The following INPP4B variants were observed in gnomAD, a reference collection of about 807,000 sequenced individuals.
The protein encoded by INPP4B is inositol polyphosphate-4-phosphatase type II B.
In INPP4B, 55 loss-of-function variants were observed where a neutral mutation model predicts 122.5. The observed-to-expected ratio is 0.45, with a 90% CI of 0.36 to 0.56. The LOEUF is 0.56. Among genes scored for constraint, INPP4B ranks in the 20% least tolerant of loss-of-function variants. The pLI, the probability that INPP4B is intolerant of heterozygous loss-of-function variation, is 0.00. For missense variants in INPP4B, 1,000 were observed against 1,097.7 expected (o/e 0.91, Z 1.26); for synonymous variants, 403 against 388.7 (o/e 1.04, Z -0.43).
chr4:142,537,421 T>TAG (rs1239191698), intron 2 of INPP4B, among the ~76,000 whole-genome samples: 2 of 52,848 alleles, frequency 3.8e-5, no homozygotes, highest in Non-Finnish European at 8.0e-5. Context: ...TATATATATA[T>TAG]ATATATATAG....
At chr4:142,196,140 G>T (rs923310048) in intron 14 of INPP4B, among the ~76,000 whole-genome samples, 4 of 152,176 alleles carry the variant, frequency 2.6e-5, no homozygotes, top group Non-Finnish European at 5.9e-5. Context: ...AAATGAAGGA[G>T]TTTGTGTTTT....
chr4:142,152,084 T>C (rs1226256701), intron 17 of INPP4B, among the ~76,000 whole-genome samples: 1 of 127,680 alleles, frequency 7.8e-6, no homozygotes, highest in Non-Finnish European at 1.6e-5. Flanking sequence ...TTTTTTTTTT[T>C]TTTTTTTTTG....
chr4:142,555,964 T>C (rs1729082279), intron 2 of INPP4B, among the ~76,000 whole-genome samples: 1 of 152,154 alleles, frequency 6.6e-6, no homozygotes, highest in South Asian at 2.1e-4. Flanking sequence ...GATATAGATT[T>C]ATATGTATCT....
intron 1 of INPP4B, among the ~76,000 whole-genome samples, chr4:142,821,073 G>A (rs766472824): frequency 2.0e-4 from 30 of 152,056 alleles, no homozygotes; most frequent in Non-Finnish European, 3.8e-4. Context: ...AGCAAGCTGT[G>A]TGAATTATCT....
At chr4:142,815,580 T>C (rs2151135898) in intron 1 of INPP4B, among the ~76,000 whole-genome samples, 1 of 152,246 alleles carries the variant, frequency 6.6e-6, no homozygotes, top group African/African-American at 2.4e-5. Flanking sequence ...ACGTAAGCTG[T>C]GATGAAAAAA....
In INPP4B at chr4:142,116,677, T is replaced by C. The variant is rs1015755577; in HGVS notation, c.2136-3995A>G. Among the ~76,000 whole-genome samples, 15 of 152,272 alleles carry C rather than the reference T, an allele frequency of 9.9e-5. No individual in the cohort carries two copies. The South Asian group carries it at 1.0e-3, about 11-fold the overall frequency. ...ATTTAAAGCAGTGTGTAGAGGGAAA[T>C]GTATAGCAACAAATGCCCAAAAGAG... On this transcript the variant is annotated intron_variant, in intron 21 of 25. Coordinates refer to ENST00000262992, the MANE Select transcript of INPP4B (RefSeq NM_001101669.3).
chr4:142,080,379 A>G (rs1461385954), intron 25 of INPP4B, among the ~76,000 whole-genome samples: 1 of 152,158 alleles, frequency 6.6e-6, no homozygotes, highest in Non-Finnish European at 1.5e-5. Flanking sequence ...ATACACACAA[A>G]TACAGGCCAA....
chr4:142,215,434 T>C (rs546707699), intron 12 of INPP4B, among the ~76,000 whole-genome samples: 1 of 152,206 alleles, frequency 6.6e-6, no homozygotes, highest in Admixed American at 6.5e-5. Context: ...CTTTAAAAAC[T>C]AAACCTGAAC....
rs112157073 is a variant in INPP4B, at chr4:142,327,221, G to A, written c.373-12459C>T. On this transcript the variant is annotated intron_variant, in intron 7 of 25. Coordinates refer to ENST00000262992, the MANE Select transcript of INPP4B (RefSeq NM_001101669.3). ...AACAGCAATATGAACAAAAGCACAC[G>A]TCTATTAATCTGTTGCTCACTGAAA... 4.3e-3 allele frequency among the ~76,000 whole-genome samples: 656 copies of A among 152,192 alleles called. 8 individuals carry two copies. Among genetic ancestry groups the A allele is most frequent in the African/African-American group, 0.014 (598 of 41,516 alleles).
rs377590618 is a variant in INPP4B at position 142,461,856 on chromosome 4, C to T, written c.-127+807G>A. 4.6e-5 allele frequency among the ~76,000 whole-genome samples: 7 copies of T among 151,886 alleles called. No homozygotes were observed. In the East Asian group the frequency reaches 7.8e-4, roughly 17 times the overall value. On this transcript the variant is annotated intron_variant, in intron 3 of 25. Coordinates refer to ENST00000262992, the MANE Select transcript of INPP4B (RefSeq NM_001101669.3). ...GTAAGGTGAGGTCAGGTGACAGATT[C>T]GAAAGCATCTATATTCAGGGGACCA... is the stretch of plus-strand genomic sequence containing the variant.
chr4:142,042,374 T>A (rs1748226231), intron 25 of INPP4B, among the ~76,000 whole-genome samples: 1 of 152,158 alleles, frequency 6.6e-6, no homozygotes, highest in African/African-American at 2.4e-5. Context: ...GGAAATCTTT[T>A]CATCTGCTCA....
At chr4:142,473,312 A>T (rs1156394507) in intron 2 of INPP4B, 2 of 152,544 alleles carry the variant, frequency 1.3e-5, no homozygotes, top group African/African-American at 4.8e-5. Flanking sequence ...AGAGGAACGC[A>T]GAGAGCAGAA....
In INPP4B at chr4:142,093,148, C is replaced by A. The variant is rs1780315717; in HGVS notation, c.2375-6892G>T. Among the ~76,000 whole-genome samples, 3 of 152,132 alleles carry A rather than the reference C, an allele frequency of 2.0e-5. No individual in the cohort carries two copies. In the South Asian group the frequency reaches 6.2e-4, roughly 32 times the overall value. ...GCCATTATGCTGGAAGAAGCCCAAG[C>A]CACATGGAAGGTCTTGTTTAGGTGC... On this transcript the variant is annotated intron_variant, in intron 23 of 25. Coordinates refer to ENST00000262992, the MANE Select transcript of INPP4B (RefSeq NM_001101669.3).
chr4:142,268,322 C>CAAAAAAAAAAAAA (rs56908599), intron 10 of INPP4B, among the ~76,000 whole-genome samples: 157 of 6,900 alleles, frequency 0.023, 58 homozygotes, highest in Non-Finnish European at 0.039. Context: ...GACTCCGTCT[C>CAAAAAAAAAAAAA]AAAAAAAAAA....
intron 10 of INPP4B, among the ~76,000 whole-genome samples, chr4:142,268,346 A>AAAAAAAAAAAAAAAAAAAAAG (rs79776246): frequency 6.9e-6 from 1 of 144,954 alleles, no homozygotes; most frequent in Non-Finnish European, 1.5e-5. Flanking sequence ...AAAAAAAAAA[A>AAAAAAAAAAAAAAAAAAAAAG]TGAGGGGTAA....
chr4:142,180,723 T>A (rs912219306), intron 15 of INPP4B, among the ~76,000 whole-genome samples: 20 of 152,182 alleles, frequency 1.3e-4, no homozygotes, highest in Non-Finnish European at 2.1e-4. Flanking sequence ...TTTTACTATC[T>A]CTTGAACATA....
At chr4:142,414,201 AT>A (rs944791512) in intron 5 of INPP4B, among the ~76,000 whole-genome samples, 1 of 150,130 alleles carries the variant, frequency 6.7e-6, no homozygotes, top group Non-Finnish European at 1.5e-5. Flanking sequence ...AAAGTTTGTT[AT>A]TTTTTTTACC....
intron 21 of INPP4B, among the ~76,000 whole-genome samples, chr4:142,115,689 A>G (rs530832269): frequency 1.7e-4 from 26 of 152,328 alleles, no homozygotes; most frequent in African/African-American, 5.8e-4. Context: ...AACAACTGGT[A>G]GCAGCCCCTG....
At chr4:142,817,517 T>C (rs536445570) in intron 1 of INPP4B, among the ~76,000 whole-genome samples, 1 of 152,268 alleles carries the variant, frequency 6.6e-6, no homozygotes, top group Non-Finnish European at 1.5e-5. Context: ...ACACTTTTAA[T>C]GGATCCAATT....
Sources: allele counts gnomAD v4.1 joint callset (sites outside exome capture counted in the v4.1 genomes callset), GRCh38; gene constraint gnomAD v4.1.1; transcripts MANE v1.5; gene names NCBI Gene and HGNC (gene_info 2026-07-23, HGNC 2026-07-21).